The following NPAS3 variants were observed in gnomAD, a reference collection of about 807,000 sequenced individuals.
NPAS3 encodes the protein neuronal PAS domain protein 3, also known as neuronal PAS domain-containing protein 3.
A neutral mutation model predicts 73.1 loss-of-function variants in NPAS3; 14 were observed. The ratio of observed to expected loss-of-function variants is 0.19; its 90% CI spans 0.13 to 0.30. The LOEUF (loss-of-function observed/expected upper bound fraction) is 0.30, where lower values mean the gene tolerates loss of function less well. NPAS3 is among the 10% of genes least tolerant of loss of function. NPAS3 has a pLI of 1.00. For missense variants in NPAS3, 1,096 were observed against 1,250.0 expected (o/e 0.88, Z 1.86); for synonymous variants, 620 against 541.5 (o/e 1.14, Z -2.01).
At chr14:33,040,792 T>C (rs2040324805) in intron 1 of NPAS3, among the ~76,000 whole-genome samples, 1 of 152,190 alleles carries the variant, frequency 6.6e-6, no homozygotes, top group African/African-American at 2.4e-5. Context: ...TGAATGACAT[T>C]TAACATCTTT....
intron 5 of NPAS3, among the ~76,000 whole-genome samples, chr14:33,607,786 T>C (rs1482827240): frequency 1.3e-5 from 2 of 152,192 alleles, no homozygotes; most frequent in Non-Finnish European, 2.9e-5. Flanking sequence ...TGACTCACAG[T>C]TCAGCATGGC....
At chr14:33,531,534 G>A (rs1189238139) in intron 4 of NPAS3, among the ~76,000 whole-genome samples, 1 of 152,050 alleles carries the variant, frequency 6.6e-6, no homozygotes, top group Non-Finnish European at 1.5e-5. Flanking sequence ...ATTGCTGAGT[G>A]GTATGCCTAT....
At chr14:33,394,220 T>G (rs1184294438) in intron 4 of NPAS3, among the ~76,000 whole-genome samples, 2 of 152,194 alleles carry the variant, frequency 1.3e-5, no homozygotes, top group Non-Finnish European at 2.9e-5. Flanking sequence ...AGATGCTGAT[T>G]GCTGTCAATC....
chr14:33,304,744 C>A (rs1056651412), intron 3 of NPAS3, among the ~76,000 whole-genome samples: 2 of 151,974 alleles, frequency 1.3e-5, no homozygotes, highest in African/African-American at 4.8e-5. Context: ...GCTATGAATA[C>A]TCTAAAATTT....
At chr14:33,398,473 ATCTCATCACTGTTTTAACTTTT>A (rs2047317015) in intron 4 of NPAS3, among the ~76,000 whole-genome samples, 1 of 151,784 alleles carries the variant, frequency 6.6e-6, no homozygotes, top group African/African-American at 2.4e-5. Context: ...ACTTCCCCAA[ATCTCATCACTGTTTTAACTTTT>A]TCTTAGTAAT....
chr14:32,938,486 T>TGAGAGAGAGAGAGAGAGAGAGA (rs369330767), upstream of NPAS3, among the ~76,000 whole-genome samples: 71 of 55,902 alleles, frequency 1.3e-3, 4 homozygotes, highest in African/African-American at 1.5e-3. Flanking sequence ...AGAGAGAAAT[T>TGAGAGAGAGAGAGAGAGAGAGA]GAGAGAGAGA....
Position 33,800,571 on chromosome 14 carries a change from C to T in NPAS3, c.2264C>T (p.Pro755Leu), listed in dbSNP as rs1419818068. The change falls in exon 12 of 12, where the codon CCG becomes CTG. Residue 755 changes from proline (P) to leucine (L), a missense_variant. By Grantham distance (98) the Pro-to-Leu change is moderately conservative (BLOSUM62 -3). Around this residue, in one of 5 missense-constraint regions of NPAS3, gnomAD observed 698 missense variants for 676.7 expected, o/e 1.03. Coordinates refer to ENST00000356141, the Ensembl canonical transcript of NPAS3. This position sits in a 1 kb window ranked among gnomAD's most constrained non-coding sequence, Gnocchi z 6.5. ...CTGTCACCCCCGCTCTCGGCGTCCC[C>T]GCGGGACAAGCACCCCGGGAACGGC... is the stretch of plus-strand genomic sequence containing the variant. The T allele has an allele frequency of 2.3e-6, 3 of 1,308,480 alleles. No individual in the cohort carries two copies. The highest frequency in any genetic ancestry group is 1.6e-5 in the African/African-American group (1 of 64,136). 81.1% of individuals were successfully genotyped at this position (1,308,480 alleles called of 1,614,324 possible).
rs7153016 is a variant in NPAS3 at position 33,546,060 on chromosome 14, T to G, written c.469-14061T>G. On this transcript the variant is annotated intron_variant, in intron 4 of 11. Transcript: ENST00000356141. ...GGCTCCTGTTAAGGCCTTCTGACTC[T>G]AGAAGCCTCCTCTGCCACACCTCTT... Among the ~76,000 whole-genome samples the G allele has an allele frequency of 9.5e-3, 1,446 of 152,304 alleles. 27 individuals carry two copies. Among genetic ancestry groups the G allele is most frequent in the African/African-American group, 0.032 (1,335 of 41,570 alleles).
intron 5 of NPAS3, among the ~76,000 whole-genome samples, chr14:33,640,214 TATA>T: frequency 6.6e-6 from 1 of 152,068 alleles, no homozygotes; most frequent in South Asian, 2.1e-4. Context: ...AAATTATCTG[TATA>T]ATATTTACAA....
At chr14:33,458,020 T>A (rs2050099254) in intron 4 of NPAS3, among the ~76,000 whole-genome samples, 1 of 152,226 alleles carries the variant, frequency 6.6e-6, no homozygotes, top group Admixed American at 6.5e-5. Context: ...ATCTGGCATA[T>A]GACTGACAAT....
chr14:33,187,220 C>A (rs1347018086), intron 2 of NPAS3, among the ~76,000 whole-genome samples: 1 of 152,156 alleles, frequency 6.6e-6, no homozygotes, highest in East Asian at 1.9e-4. Flanking sequence ...GGCCACTTTT[C>A]CAATGTCAAT....
chr14:33,124,789 A>T (rs2043364861), intron 2 of NPAS3, among the ~76,000 whole-genome samples: 1 of 152,124 alleles, frequency 6.6e-6, no homozygotes, highest in Admixed American at 6.6e-5. Context: ...AGTATAAAAT[A>T]AGAAAGATGT....
rs148950426 is a variant in NPAS3 at position 33,303,182 on chromosome 14, C to G, written c.386-64004C>G. Among the ~76,000 whole-genome samples the G allele has an allele frequency of 3.6e-4, 54 of 151,844 alleles. 1 individual carries two copies. In the East Asian group the frequency reaches 0.01, roughly 28 times the overall value. On this transcript the variant is annotated intron_variant, in intron 3 of 11. Coordinates refer to ENST00000356141, the Ensembl canonical transcript of NPAS3. ...GAAAATAGTGTGGTAAAATTTAGAACCTTCATTCTAGAAGTTACCTGTGAC... is the reference window on the plus strand; with the variant it reads ...GAAAATAGTGTGGTAAAATTTAGAAGCTTCATTCTAGAAGTTACCTGTGAC...
chr14:33,203,924 T>A (rs890621777), intron 2 of NPAS3, among the ~76,000 whole-genome samples: 2 of 152,166 alleles, frequency 1.3e-5, no homozygotes, highest in Non-Finnish European at 2.9e-5. Context: ...GTTGAACTAG[T>A]TTACAGTCCC....
At chr14:33,052,351 C>G (rs147952105) in intron 1 of NPAS3, among the ~76,000 whole-genome samples, 1 of 152,198 alleles carries the variant, frequency 6.6e-6, no homozygotes, top group African/African-American at 2.4e-5. Flanking sequence ...ACCCTACCAC[C>G]CCCAAAAACT....
intron 5 of NPAS3, chr14:33,578,178 A>G (rs2056519143): frequency 2.2e-6 from 1 of 455,832 alleles, no homozygotes; most frequent in African/African-American, 2.0e-5. Context: ...AGCCAGATGA[A>G]CTACCAACAC....
chr14:33,101,244 A>T (rs17100114), intron 2 of NPAS3, among the ~76,000 whole-genome samples: 4,046 of 152,216 alleles, frequency 0.027, 173 homozygotes, highest in African/African-American at 0.087. Flanking sequence ...TTATTCAAAA[A>T]TGCCCTTTAA....
At chr14:33,215,641 A>G (rs2047197077) in intron 3 of NPAS3, 2 of 702,828 alleles carry the variant, frequency 2.8e-6, no homozygotes, top group Admixed American at 2.2e-5. Context: ...TATCAGCCTA[A>G]AATTCTGTCA....
chr14:33,526,344 C>T (rs1047365900), intron 4 of NPAS3, among the ~76,000 whole-genome samples: 8 of 136,504 alleles, frequency 5.9e-5, no homozygotes, highest in South Asian at 2.3e-4. Flanking sequence ...TATAAAATCC[C>T]CTTTACCTTT....
Sources: gnomAD v4.1 joint callset for allele counts (sites outside exome capture counted in the v4.1 genomes callset) on GRCh38, gnomAD v4.1.1 for gene constraint, gnomAD v4.1.1 regional missense constraint, Gnocchi (gnomAD v3.1) non-coding constraint, MANE v1.5 for transcripts, NCBI Gene and HGNC (gene_info 2026-07-23, HGNC 2026-07-21) for gene names.